The following PLXDC1 variants were observed in gnomAD, a reference collection of about 807,000 sequenced individuals.
The protein encoded by PLXDC1 is plexin domain-containing protein 1.
Under a neutral mutation model 61.3 loss-of-function variants are expected in PLXDC1, and 39 were observed. The ratio of observed to expected loss-of-function variants is 0.64; its 90% confidence interval spans 0.49 to 0.83. The LOEUF (loss-of-function observed/expected upper bound fraction) is 0.83, where lower values mean the gene tolerates loss of function less well. Among genes scored for constraint, PLXDC1 ranks in the 40% least tolerant of loss-of-function variants. The probability of loss-of-function intolerance (pLI) is 0.00; values close to 1 mark genes in which losing one functional copy is unlikely to be tolerated. For missense variants in PLXDC1, 596 were observed against 666.5 expected (o/e 0.89, Z 1.17); for synonymous variants, 212 against 254.5 (o/e 0.83, Z 1.59).
intron 7 of PLXDC1, among the ~76,000 whole-genome samples, chr17:39,096,115 C>T (rs976228434): frequency 3.3e-5 from 5 of 152,094 alleles, no homozygotes; most frequent in East Asian, 1.9e-4. Context: ...GGGTGGTTAC[C>T]GTATAAAAAA....
rs1398520788 is a variant in PLXDC1, at chr17:39,064,057, T to C, written c.*3783A>G. The C allele has an allele frequency of 1.3e-5, 2 of 155,854 alleles. No homozygotes were observed. Among genetic ancestry groups the C allele is most frequent in the Non-Finnish European group, 2.9e-5 (2 of 70,098 alleles). The allele number at this position is 155,854 out of a possible 1,614,324, so 9.7% of individuals were successfully genotyped here. On this transcript the variant is annotated 3_prime_UTR_variant, in exon 14 of 14. Transcript: ENST00000315392. ...AGCACAGCTACAACCTTGTCCAATC[T>C]CTTTAGCAACAAAATACCTGTGTGT...
At chr17:39,127,149 A>G (rs1396572968) in intron 2 of PLXDC1, 1 of 152,220 alleles carries the variant, frequency 6.6e-6, no homozygotes, top group Non-Finnish European at 1.5e-5. Context: ...CAATCAGTGC[A>G]TCTGATTTTT....
In PLXDC1 at chr17:39,112,449, T is replaced by C. The variant is rs186440729; in HGVS notation, c.256-3058A>G. On this transcript the variant is annotated intron_variant, in intron 2 of 13. Transcript: ENST00000315392. ...TAGATGCTATTCAGCCCATCTTTTT[T>C]TTTCTTTCTTTTTTTTTTTTTTTTT... Among the ~76,000 whole-genome samples the C allele has an allele frequency of 6.9e-4, 94 of 137,056 alleles. 1 individual carries two copies. Among genetic ancestry groups the C allele is most frequent in the African/African-American group, 2.4e-3 (88 of 36,084 alleles). 89.9% of individuals were successfully genotyped at this position (137,056 alleles called of 152,430 possible). A position where few individuals can be genotyped will look rare whatever the true frequency, so the allele number is the denominator to read the frequency against.
At chr17:39,138,486 C>T (rs1013183996) in intron 2 of PLXDC1, among the ~76,000 whole-genome samples, 3 of 152,120 alleles carry the variant, frequency 2.0e-5, no homozygotes, top group Non-Finnish European at 2.9e-5. Context: ...GGTTGCTCAG[C>T]GGGAGTATAC....
chr17:39,137,755 A>C (rs8076083), intron 2 of PLXDC1, among the ~76,000 whole-genome samples: 2 of 152,020 alleles, frequency 1.3e-5, no homozygotes, highest in Non-Finnish European at 2.9e-5. Flanking sequence ...GGTCAAGGGA[A>C]CAGGGGATCC....
chr17:39,121,362 C>T (rs1911155877), intron 2 of PLXDC1, among the ~76,000 whole-genome samples: 1 of 152,194 alleles, frequency 6.6e-6, no homozygotes, highest in South Asian at 2.1e-4. Context: ...CTCAGGATCA[C>T]TTACTCAAGG....
At chr17:39,133,262 G>A (rs1017040194) in intron 2 of PLXDC1, among the ~76,000 whole-genome samples, 1 of 152,148 alleles carries the variant, frequency 6.6e-6, no homozygotes, top group African/African-American at 2.4e-5. Context: ...ACACCACCCA[G>A]AACAAGGCCT....
chr17:39,119,098 C>G lies in PLXDC1; in HGVS notation c.256-9707G>C, dbSNP rs550492913. 2.6e-5 allele frequency among the ~76,000 whole-genome samples: 4 copies of G among 152,322 alleles called. No homozygotes were observed. In the East Asian group the frequency reaches 7.7e-4, roughly 29 times the overall value. On this transcript the variant is annotated intron_variant, in intron 2 of 13. Transcript: ENST00000315392. ...GACCTGGTTCCCAACAGCTTTCCAG[C>G]TTCCTTGAGGTCTGGCTGTCCTTCA...
intron 2 of PLXDC1, among the ~76,000 whole-genome samples, chr17:39,114,796 G>A (rs1910914495): frequency 1.3e-5 from 2 of 152,206 alleles, no homozygotes; most frequent in South Asian, 4.1e-4. Flanking sequence ...GGGAACCTGA[G>A]CGGGCCAGTG....
At chr17:39,082,806 A>G (rs1020660838) in intron 9 of PLXDC1, among the ~76,000 whole-genome samples, 8 of 152,206 alleles carry the variant, frequency 5.3e-5, no homozygotes, top group Non-Finnish European at 8.8e-5. Flanking sequence ...CTGTGAGGAA[A>G]TGATTTCAGA....
At chr17:39,098,197 C>G (rs1598195633) in intron 7 of PLXDC1, among the ~76,000 whole-genome samples, 1 of 95,790 alleles carries the variant, frequency 1.0e-5, no homozygotes, top group Admixed American at 1.4e-4. Context: ...AAGAGTGAAA[C>G]TCCATCTCAA....
intron 11 of PLXDC1, among the ~76,000 whole-genome samples, chr17:39,075,046 A>G (rs1428056572): frequency 1.3e-5 from 2 of 151,840 alleles, no homozygotes; most frequent in African/African-American, 4.8e-5. Context: ...TGCAGCCTCA[A>G]CCTCCTAGGC....
Position 39,139,726 on chromosome 17 carries a change from G to C in PLXDC1, c.183C>G (p.Thr61=), listed in dbSNP as rs778593711. ...CCCCACCCAGGTCCTGGCTCAGCTGGGTCCTGTCCGGCTCTGACACATGCC... is the reference window on the plus strand; with the variant it reads ...CCCCACCCAGGTCCTGGCTCAGCTGCGTCCTGTCCGGCTCTGACACATGCC... The part of the protein sequence containing the change: ...SPGHVSEPDR[T]QLSQDLGGGT... The change falls in exon 2 of 14, where the codon ACC becomes ACG. Residue 61 remains threonine (T), a synonymous_variant. Transcript: ENST00000315392. The C allele has an allele frequency of 6.2e-7, 1 of 1,613,964 alleles. No homozygotes were observed. The highest frequency in any genetic ancestry group is 8.5e-7 in the Non-Finnish European group (1 of 1,180,014).
rs3744076 is a variant in PLXDC1, at chr17:39,069,819, A to G, written c.1383+37T>C. 4,924 of 1,577,974 alleles carry G rather than the reference A, an allele frequency of 3.1e-3. 199 individuals carry two copies. The East Asian group carries it at 0.081, about 26-fold the overall frequency. On this transcript the variant is annotated intron_variant, in intron 13 of 13. Transcript: ENST00000315392. ...ATGGCCCAGGAGACGCCGACGCAGA[A>G]GCAGACAGGAGCCCTGTGGCCACAG...
At chr17:39,088,275 G>A (rs1001048739) in intron 7 of PLXDC1, among the ~76,000 whole-genome samples, 1 of 152,200 alleles carries the variant, frequency 6.6e-6, no homozygotes, top group Non-Finnish European at 1.5e-5. Context: ...GCATGTTGCT[G>A]TCCACCATCC....
At chr17:39,131,561 C>G (rs1911563745) in intron 2 of PLXDC1, among the ~76,000 whole-genome samples, 1 of 152,118 alleles carries the variant, frequency 6.6e-6, no homozygotes, top group Admixed American at 6.5e-5. Context: ...CCATGTTAGC[C>G]AGGCTGGTCT....
chr17:39,074,273 G>A (rs1219017783), intron 11 of PLXDC1, among the ~76,000 whole-genome samples: 2 of 152,138 alleles, frequency 1.3e-5, no homozygotes, highest in African/African-American at 2.4e-5. Context: ...AGTAGGTTGA[G>A]GTGGGAGGAT....
rs114266070 is a variant in PLXDC1, at chr17:39,091,478, G to A, written c.812-3776C>T. 4.0e-3 allele frequency among the ~76,000 whole-genome samples: 610 copies of A among 152,174 alleles called. 3 individuals carry two copies. The highest frequency in any genetic ancestry group is 0.012 in the African/African-American group (497 of 41,534). On this transcript the variant is annotated intron_variant, in intron 7 of 13. Transcript: ENST00000315392. Reference sequence around the variant, plus strand: ...GAATGAGATCCAGGCCTCCTCCCACGTCTCCCTCCCTTCCTTCCATCCCAG... The same window carrying A: ...GAATGAGATCCAGGCCTCCTCCCACATCTCCCTCCCTTCCTTCCATCCCAG...
At chr17:39,100,535 G>A (rs529536728) in intron 7 of PLXDC1, among the ~76,000 whole-genome samples, 6 of 152,194 alleles carry the variant, frequency 3.9e-5, no homozygotes, top group Non-Finnish European at 5.9e-5. Flanking sequence ...GATTATGGGC[G>A]TGAGCCACCG....
Sources: allele counts gnomAD v4.1 joint callset (sites outside exome capture counted in the v4.1 genomes callset), GRCh38; gene constraint gnomAD v4.1.1; transcripts MANE v1.5; gene names NCBI Gene and HGNC (gene_info 2026-07-23, HGNC 2026-07-21).